RBFOX1: variants seen among roughly 807,000 people sequenced by gnomAD.
RBFOX1 encodes RNA binding protein fox-1 homolog 1.
A neutral mutation model predicts 57.7 loss-of-function variants in RBFOX1; 8 were observed. The observed-to-expected ratio is 0.14, with a 90% confidence interval of 0.08 to 0.25. RBFOX1 has a LOEUF of 0.25. Among genes scored for constraint, RBFOX1 ranks in the 10% least tolerant of loss-of-function variants. RBFOX1 has a pLI of 1.00. For synonymous variants in RBFOX1, 326 were observed against 222.4 expected (o/e 1.47, Z -4.15); for missense variants, 611 against 548.5 (o/e 1.11, Z -1.14).
intron 2 of RBFOX1, among the ~76,000 whole-genome samples, chr16:6,586,120 G>A (rs1486579393): frequency 6.6e-6 from 1 of 152,202 alleles, no homozygotes; most frequent in Non-Finnish European, 1.5e-5. Flanking sequence ...CAGAAGCAAT[G>A]TTTGTTATGA....
chr16:6,321,279 C>T (rs1377415697), intron 2 of RBFOX1, among the ~76,000 whole-genome samples: 1 of 152,072 alleles, frequency 6.6e-6, no homozygotes, highest in Non-Finnish European at 1.5e-5. Context: ...TGGCTTGTAA[C>T]CTGATACTGT....
intron 4 of RBFOX1, among the ~76,000 whole-genome samples, chr16:7,428,492 ATTTTATTATTATTATTATTATTAT>A (rs1458311227): frequency 4.5e-5 from 5 of 112,086 alleles, no homozygotes; most frequent in African/African-American, 1.7e-4. Flanking sequence ...ACTCCTGGCT[ATTTTATTATTATTATTATTATTAT>A]TATTATTATT....
rs369925781 is a variant in RBFOX1, at chr16:5,953,727, A to ATATATAT, written c.351+86392_351+86393insTATATAT. The stretch of plus-strand genomic sequence containing the variant: ...TCTTATATATATATATATATATATA[A>ATATATAT]AAAACACATTTTCTTCATCCACTTG... On this transcript the variant is annotated intron_variant, in intron 4 of 19. Coordinates refer to the RBFOX1 transcript ENST00000641259. Among the ~76,000 whole-genome samples the ATATATAT allele has an allele frequency of 4.5e-3, 492 of 108,998 alleles. 1 individual carries two copies. Among genetic ancestry groups the ATATATAT allele is most frequent in the South Asian group, 6.9e-3 (29 of 4,188 alleles). The allele number at this position is 108,998 out of a possible 152,430, so 71.5% of individuals were successfully genotyped here. A position where few individuals can be genotyped will look rare whatever the true frequency, so the allele number is the denominator to read the frequency against.
chr16:6,143,189 A>T (rs181020182), intron 1 of RBFOX1, among the ~76,000 whole-genome samples: 1 of 152,344 alleles, frequency 6.6e-6, no homozygotes, highest in African/African-American at 2.4e-5. Context: ...CTTCAGGAAT[A>T]ACTTGTAAGA....
chr16:5,771,098 G>C (rs142802528), intron 3 of RBFOX1, among the ~76,000 whole-genome samples: 2 of 152,286 alleles, frequency 1.3e-5, no homozygotes, highest in African/African-American at 2.4e-5. Flanking sequence ...ATTTTAAACT[G>C]TGTAAAGTGA....
chr16:5,299,371 T>G (rs1167424695), intron 1 of RBFOX1, among the ~76,000 whole-genome samples: 2 of 152,350 alleles, frequency 1.3e-5, no homozygotes, highest in African/African-American at 4.8e-5. Context: ...CCAGTTTTGC[T>G]TATTATGAAT....
chr16:5,347,865 C>T (rs1162830970), intron 1 of RBFOX1, among the ~76,000 whole-genome samples: 1 of 149,628 alleles, frequency 6.7e-6, no homozygotes, highest in African/African-American at 2.5e-5. Context: ...CACTCTTTCA[C>T]TCAATAATGC....
chr16:5,930,240 TGGATGCTTGGATGTATAGA>T (rs2059021553), intron 4 of RBFOX1, among the ~76,000 whole-genome samples: 1 of 111,584 alleles, frequency 9.0e-6, no homozygotes, highest in African/African-American at 3.7e-5. Flanking sequence ...GATGGATGGA[TGGATGCTTGGATGTATAGA>T]TGGGTAGGTG....
chr16:6,463,573 A>G (rs569494426), intron 2 of RBFOX1, among the ~76,000 whole-genome samples: 1 of 152,232 alleles, frequency 6.6e-6, no homozygotes, highest in Admixed American at 6.5e-5. Flanking sequence ...GATGCAAGCA[A>G]GAAGGAAGAG....
intron 4 of RBFOX1, among the ~76,000 whole-genome samples, chr16:7,285,378 T>TTGTG (rs113808623): frequency 2.6e-3 from 388 of 147,664 alleles, no homozygotes; most frequent in African/African-American, 7.8e-3. Flanking sequence ...CTTGCATTAA[T>TTGTG]TGTGTGTGTG....
intron 4 of RBFOX1, among the ~76,000 whole-genome samples, chr16:7,313,106 C>T (rs1455687361): frequency 6.6e-6 from 1 of 152,156 alleles, no homozygotes; most frequent in East Asian, 1.9e-4. Context: ...TTCCACATCA[C>T]TCTTCATCCG....
At chr16:7,141,021 C>T (rs2073623391) in intron 4 of RBFOX1, among the ~76,000 whole-genome samples, 2 of 152,158 alleles carry the variant, frequency 1.3e-5, no homozygotes, top group African/African-American at 4.8e-5. Flanking sequence ...CCTCCTCCAG[C>T]TTTGCAGAGC....
intron 1 of RBFOX1, among the ~76,000 whole-genome samples, chr16:5,287,328 C>T (rs1354765767): frequency 3.3e-5 from 5 of 151,660 alleles, no homozygotes; most frequent in African/African-American, 1.2e-4. Flanking sequence ...TTGGTTGGGG[C>T]GGGTTGGAGA....
At chr16:6,527,786 C>T (rs577063115) in intron 2 of RBFOX1, among the ~76,000 whole-genome samples, 3 of 152,064 alleles carry the variant, frequency 2.0e-5, no homozygotes, top group Non-Finnish European at 4.4e-5. Flanking sequence ...GGTTGCCACT[C>T]CGAGCTGCTG....
At chr16:7,499,566 G>GCTA (rs1489144177) in intron 4 of RBFOX1, among the ~76,000 whole-genome samples, 1 of 152,108 alleles carries the variant, frequency 6.6e-6, no homozygotes, top group Non-Finnish European at 1.5e-5. Flanking sequence ...ATAATTTTTG[G>GCTA]CTACATTGAC....
intron 4 of RBFOX1, among the ~76,000 whole-genome samples, chr16:7,072,663 G>GT (rs2057562425): frequency 2.0e-5 from 3 of 152,248 alleles, no homozygotes; most frequent in South Asian, 4.1e-4. Context: ...AGGATCTTCT[G>GT]TTTTTTGCCA....
intron 2 of RBFOX1, among the ~76,000 whole-genome samples, chr16:6,627,313 T>G (rs1303323266): frequency 3.9e-5 from 6 of 152,180 alleles, no homozygotes; most frequent in African/African-American, 1.4e-4. Context: ...GTTCTAGGTA[T>G]ACCTTACCTA....
chr16:6,370,349 C>T (rs892093150), intron 2 of RBFOX1, among the ~76,000 whole-genome samples: 3 of 103,484 alleles, frequency 2.9e-5, no homozygotes, highest in African/African-American at 1.2e-4. Flanking sequence ...CAGATAGAGA[C>T]TCCGTCTCAA....
At chr16:7,418,804 C>T (rs1230151075) in intron 4 of RBFOX1, among the ~76,000 whole-genome samples, 2 of 152,006 alleles carry the variant, frequency 1.3e-5, no homozygotes, top group African/African-American at 2.4e-5. Flanking sequence ...CTGTCTTCCT[C>T]TGTCTCTCTC....
Sources: gnomAD v4.1 joint callset for allele counts (sites outside exome capture counted in the v4.1 genomes callset) on GRCh38, gnomAD v4.1.1 for gene constraint, MANE v1.5 for transcripts, NCBI Gene and HGNC (gene_info 2026-07-23, HGNC 2026-07-21) for gene names.